RTEL1: variants seen among roughly 807,000 people sequenced by gnomAD.
RTEL1 encodes the protein regulator of telomere length.
RTEL1 carries 86 observed loss-of-function variants against 162.2 expected under a neutral mutation model. That is an observed-to-expected ratio of 0.53 (90% CI 0.45 to 0.63). RTEL1 has a LOEUF of 0.63. Among genes scored for constraint, RTEL1 ranks in the 30% least tolerant of loss-of-function variants. The pLI is 0.00. For missense variants in RTEL1, 1,941 were observed against 1,750.2 expected, an observed-to-expected ratio of 1.11 and a Z score of -1.95; for synonymous variants, 958 against 717.9, an observed-to-expected ratio of 1.33 and a Z score of -5.35.
At position 63,668,503 on chromosome 20, in the gene RTEL1, G is replaced by C. The variant is rs556377370; in HGVS notation, c.699+950G>C. On this transcript the variant is annotated intron_variant, in intron 8 of 34. Transcript: ENST00000360203. The surrounding 1 kb of genome is among the most constrained non-coding windows in gnomAD (Gnocchi z 4.3). ...AGAGCAGAGGGAGGAGGCGGAGACC[G>C]AGCCAAGCGGGCCCAAGTGCGATGT... is the stretch of plus-strand genomic sequence containing the variant. 1.3e-5 allele frequency among the ~76,000 whole-genome samples: 2 copies of C among 152,244 alleles called. No homozygotes were observed. Among genetic ancestry groups the C allele is most frequent in the South Asian group, 2.1e-4 (1 of 4,814 alleles).
In RTEL1 at chr20:63,661,803, A is replaced by C. The variant is rs1301492102; in HGVS notation, c.302-47A>C. 2 of 1,536,370 alleles carry C rather than the reference A, an allele frequency of 1.3e-6. No homozygotes were observed. The highest frequency in any genetic ancestry group is 3.3e-5 in the Admixed American group (2 of 59,864). On this transcript the variant is annotated intron_variant, in intron 3 of 34. Transcript: ENST00000360203. This position sits in a 1 kb window ranked among gnomAD's most constrained non-coding sequence, Gnocchi z 5.1. ...TGCCACCTGCCTTTGATACGTGAGA[A>C]CGTTGTCTGAGAACCGTGACTTCTG...
chr20:63,680,402 C>G (rs535551337), intron 13 of RTEL1, among the ~76,000 whole-genome samples: 1 of 152,196 alleles, frequency 6.6e-6, no homozygotes, highest in Non-Finnish European at 1.5e-5. Context: ...CTGCTTCAAC[C>G]CTTAGGCGAC....
At chr20:63,688,446 G>C in intron 20 of RTEL1, 60 bp downstream of exon 20, 2 of 1,606,530 alleles carry the variant, frequency 1.2e-6, no homozygotes, top group Non-Finnish European at 1.7e-6. Context: ...CATGAAGCAG[G>C]CAGTGGTCAC....
intron 6 of RTEL1, 28 bp from the exon 7 acceptor site, chr20:63,665,976 T>G (rs1456603907): frequency 1.2e-6 from 2 of 1,609,838 alleles, no homozygotes; most frequent in Admixed American, 3.3e-5. Context: ...CCTGAGGGTG[T>G]GTGTTTACCC....
intron 14 of RTEL1, chr20:63,681,216 C>T (rs1450400092): frequency 1.0e-6 from 1 of 985,354 alleles, no homozygotes; most frequent in African/African-American, 1.7e-5. Flanking sequence ...TCCTGTCCTG[C>T]AATGCCCGTC....
intron 14 of RTEL1, among the ~76,000 whole-genome samples, chr20:63,683,679 C>T (rs2090525576): frequency 6.6e-6 from 1 of 152,308 alleles, no homozygotes; most frequent in African/African-American, 2.4e-5. Flanking sequence ...TGCGGCGGGG[C>T]TCTGACGGCG....
At chr20:63,679,055 G>A (rs1299258787) in intron 12 of RTEL1, among the ~76,000 whole-genome samples, 1 of 152,184 alleles carries the variant, frequency 6.6e-6, no homozygotes, top group Non-Finnish European at 1.5e-5. Flanking sequence ...AGGACGATGA[G>A]TGTCCCAGCC....
At chr20:63,691,963 A>G in intron 28 of RTEL1, 126 bp downstream of exon 28, 1 of 685,476 alleles carries the variant, frequency 1.5e-6, no homozygotes, top group South Asian at 1.7e-5. Flanking sequence ...GCTGATGTCC[A>G]GGGCAGCTGT....
At chr20:63,663,230 C>T (rs1054259652) in intron 6 of RTEL1, among the ~76,000 whole-genome samples, 4 of 152,232 alleles carry the variant, frequency 2.6e-5, no homozygotes, top group African/African-American at 4.8e-5. Context: ...GCTTTCTCTT[C>T]GGGGACTTTG....
At chr20:63,667,218 T>C (rs532946715) in intron 7 of RTEL1, among the ~76,000 whole-genome samples, 20 of 151,818 alleles carry the variant, frequency 1.3e-4, no homozygotes, top group Non-Finnish European at 1.8e-4. Flanking sequence ...TTCCATCGAG[T>C]TTTTAAAGAG....
intron 2 of RTEL1, among the ~76,000 whole-genome samples, chr20:63,660,422 A>G (rs2089995917): frequency 6.6e-6 from 1 of 152,194 alleles, no homozygotes; most frequent in African/African-American, 2.4e-5. Context: ...GAGACTGGAG[A>G]ATGGCGATGA....
chr20:63,693,456 T>TCCACCACCTCCACCTCCACCACCA (rs1262595789), intron 30 of RTEL1, among the ~76,000 whole-genome samples, 173 bp downstream of exon 30: 1 of 21,042 alleles, frequency 4.8e-5, no homozygotes, highest in Non-Finnish European at 8.6e-5. Flanking sequence ...CAGCACCACC[T>TCCACCACCTCCACCTCCACCACCA]CCACCTCCAC....
intron 30 of RTEL1, 59 bp from the exon 31 acceptor site, chr20:63,694,313 C>T: frequency 8.5e-7 from 1 of 1,179,480 alleles, no homozygotes; most frequent in Non-Finnish European, 1.3e-6. Flanking sequence ...TGCCCCCCCA[C>T]CCCAGGGAAC....
In RTEL1 at chr20:63,693,332, T is replaced by C. The variant is rs771670083; in HGVS notation, c.2992+49T>C. On this transcript the variant is annotated intron_variant, in intron 30 of 34. Coordinates refer to ENST00000360203, the MANE Select transcript of RTEL1 (RefSeq NM_001283009.2). ...CCTCAGACTCCTGCGTGGAAGGCAG[T>C]GTGGGCCAGAGTCCTGGGCTGCTTG... The C allele has an allele frequency of 5.6e-6, 9 of 1,605,682 alleles. No homozygotes were observed. In the Admixed American group the frequency reaches 6.7e-5, roughly 12 times the overall value.
At chr20:63,682,254 T>A (rs1025801983) in intron 14 of RTEL1, 1 of 985,070 alleles carries the variant, frequency 1.0e-6, no homozygotes, top group Admixed American at 6.1e-5. Context: ...GACTCCACAC[T>A]CTGGAACCGA....
chr20:63,674,531 A>C (rs778053767), intron 10 of RTEL1, among the ~76,000 whole-genome samples: 15 of 152,016 alleles, frequency 9.9e-5, no homozygotes, highest in Non-Finnish European at 1.8e-4. Context: ...AACATGGCGG[A>C]ACCTCGCCCC....
chr20:63,666,024 C>G lies in RTEL1; in HGVS notation c.559C>G (p.Leu187Val), dbSNP rs769782509. 16 of 1,614,098 alleles carry G rather than the reference C, an allele frequency of 9.9e-6. 1 individual carries two copies. In the South Asian group the frequency reaches 1.4e-4, roughly 14 times the overall value. ...TGCAGAAAAAAGCCTGGAGCAGGAGCTGGCCAGCCCCATCCTGGACATTGA... is the reference window on the plus strand; with the variant it reads ...TGCAGAAAAAAGCCTGGAGCAGGAGGTGGCCAGCCCCATCCTGGACATTGA... ...NVEEKSLEQE[L>V]ASPILDIEDL... Residue 187 changes from leucine to valine, a missense_variant, in exon 7 of 35, where the codon CTG becomes GTG. By Grantham distance (32) the Leu-to-Val change is conservative (BLOSUM62 1). Coordinates refer to ENST00000360203, the MANE Select transcript of RTEL1 (RefSeq NM_001283009.2).
chr20:63,672,687 A>G (rs1269693301), intron 9 of RTEL1, 66 bp downstream of exon 9: 10 of 1,376,828 alleles, frequency 7.3e-6, no homozygotes, highest in Non-Finnish European at 1.0e-5. Context: ...GAGCCACGCA[A>G]ACCTTTCTGG....
intron 14 of RTEL1, among the ~76,000 whole-genome samples, chr20:63,684,284 G>C (rs923867999): frequency 1.3e-4 from 20 of 152,186 alleles, no homozygotes; most frequent in Non-Finnish European, 2.4e-4. Flanking sequence ...CTGGGCACCT[G>C]CCACACTTTT....
Sources: allele counts gnomAD v4.1 joint callset (sites outside exome capture counted in the v4.1 genomes callset), GRCh38; gene constraint gnomAD v4.1.1; non-coding constraint Gnocchi (gnomAD v3.1); transcripts MANE v1.5; gene names NCBI Gene and HGNC (gene_info 2026-07-23, HGNC 2026-07-21).